Variants in PHACTR4 observed in about 807,000 individuals in gnomAD.
PHACTR4 encodes the protein protein phosphatase 1, regulatory subunit 124.
In PHACTR4, 51 loss-of-function variants were observed where a neutral mutation model predicts 72.7. That is an observed-to-expected ratio of 0.70 (90% CI 0.56 to 0.89). The LOEUF (loss-of-function observed/expected upper bound fraction) is 0.89. Ranked by LOEUF, PHACTR4 falls within the 40% of genes least tolerant of loss-of-function variation. The pLI is 0.00. For synonymous variants in PHACTR4, 255 were observed against 302.5 expected, an observed-to-expected ratio of 0.84 and a Z score of 1.63; for missense variants, 731 against 861.8, an observed-to-expected ratio of 0.85 and a Z score of 1.90.
At chr1:28,428,462 A>C (rs1403240577) in intron 2 of PHACTR4, among the ~76,000 whole-genome samples, 2 of 152,202 alleles carry the variant, frequency 1.3e-5, no homozygotes, top group Non-Finnish European at 1.5e-5. Context: ...CCAAAACTTG[A>C]AGAGAAAGCA....
chr1:28,476,141 C>T lies in PHACTR4; in HGVS notation c.1456C>T (p.Pro486Ser), dbSNP rs368790903. Residue 486 changes from proline (P) to serine (S), a missense_variant, in exon 8 of 14, where the codon CCA becomes TCA. Coordinates refer to ENST00000373839, the MANE Select transcript of PHACTR4 (RefSeq NM_001048183.3). ...DDEEEEEQTC[P>S]STFSEEMTPT... is the part of the protein sequence containing the mutation. ...TGAAGAAGAAGAGGAGCAAACCTGT[C>T]CATCCACATTCAGTGAAGAAATGAC... The T allele has an allele frequency of 4.1e-5, 66 of 1,612,854 alleles. No individual in the cohort carries two copies. The African/African-American group carries it at 8.4e-4, about 21-fold the overall frequency.
Position 28,464,839 on chromosome 1 carries a change from G to A in PHACTR4, c.272-846G>A, listed in dbSNP as rs546640289. Among the ~76,000 whole-genome samples, 257 of 152,116 alleles carry A rather than the reference G, an allele frequency of 1.7e-3. 1 individual carries two copies. Among genetic ancestry groups the A allele is most frequent in the South Asian group, 5.2e-3 (25 of 4,818 alleles). ...CTGCCTCAGCCTCCTGAATAGCTGGGATTACAGGCGCTTGCTACCATGCCT... is the reference window on the plus strand; with the variant it reads ...CTGCCTCAGCCTCCTGAATAGCTGGAATTACAGGCGCTTGCTACCATGCCT... On this transcript the variant is annotated intron_variant, in intron 4 of 13. Transcript: ENST00000373839.
intron 1 of PHACTR4, among the ~76,000 whole-genome samples, chr1:28,381,249 C>T (rs1486028738): frequency 2.7e-5 from 4 of 150,598 alleles, no homozygotes; most frequent in Non-Finnish European, 5.9e-5. Flanking sequence ...GTGATCTGCC[C>T]GCCTCGGCCT....
At chr1:28,452,331 C>A (rs1336823276) in intron 2 of PHACTR4, among the ~76,000 whole-genome samples, 1 of 152,010 alleles carries the variant, frequency 6.6e-6, no homozygotes, top group East Asian at 1.9e-4. Context: ...CATAGTGAGA[C>A]CCCATCTCTA....
At chr1:28,414,137 G>A (rs914320595) in intron 2 of PHACTR4, among the ~76,000 whole-genome samples, 6 of 151,874 alleles carry the variant, frequency 4.0e-5, no homozygotes, top group African/African-American at 1.5e-4. Context: ...GTGCAGTGGC[G>A]CCATCTCAGC....
At chr1:28,438,647 T>C (rs1008005247) in intron 2 of PHACTR4, among the ~76,000 whole-genome samples, 1 of 152,214 alleles carries the variant, frequency 6.6e-6, no homozygotes, top group Non-Finnish European at 1.5e-5. Flanking sequence ...ATTCAGTTTA[T>C]TAATTTATCG....
At chr1:28,412,319 A>C (rs11247811) in intron 2 of PHACTR4, among the ~76,000 whole-genome samples, 1 of 151,984 alleles carries the variant, frequency 6.6e-6, no homozygotes, top group East Asian at 1.9e-4. Flanking sequence ...ATAGTATTCC[A>C]TGAAGAAAAC....
At chr1:28,449,850 TAAA>T (rs67892895) in intron 2 of PHACTR4, among the ~76,000 whole-genome samples, 1 of 138,090 alleles carries the variant, frequency 7.2e-6, no homozygotes, top group African/African-American at 2.6e-5. Flanking sequence ...ACACTCTGTA[TAAA>T]AAAAAAAAAA....
chr1:28,483,256 A>G (rs1280774579), intron 9 of PHACTR4, among the ~76,000 whole-genome samples: 1 of 151,998 alleles, frequency 6.6e-6, no homozygotes, highest in African/African-American at 2.4e-5. Flanking sequence ...TTAGCCAGAC[A>G]TGGTGACACA....
chr1:28,443,871 T>A (rs1407036816), intron 2 of PHACTR4, among the ~76,000 whole-genome samples: 2 of 152,214 alleles, frequency 1.3e-5, no homozygotes, highest in African/African-American at 4.8e-5. Flanking sequence ...TGTTGAGTAG[T>A]ACTACAGTAA....
chr1:28,402,405 G>A (rs1316555738), intron 1 of PHACTR4, among the ~76,000 whole-genome samples: 1 of 152,092 alleles, frequency 6.6e-6, no homozygotes, highest in East Asian at 1.9e-4. Flanking sequence ...GAGATGTTCA[G>A]CCTGGAAATA....
Position 28,473,707 on chromosome 1 carries a change from G to T in PHACTR4, c.977G>T (p.Ser326Ile). The T allele has an allele frequency of 6.2e-7, 1 of 1,614,058 alleles. No individual in the cohort carries two copies. Among genetic ancestry groups the T allele is most frequent in the Non-Finnish European group, 8.5e-7 (1 of 1,180,010 alleles). The change falls in exon 7 of 14, where the codon AGC becomes ATC. Residue 326 changes from serine to isoleucine, a missense_variant. Ser to Ile is a moderately radical substitution (Grantham distance 142, BLOSUM62 -2). Around this residue, in one of 2 missense-constraint regions of PHACTR4, gnomAD observed 621 missense variants for 676.6 expected, o/e 0.92. Coordinates refer to ENST00000373839, the MANE Select transcript of PHACTR4 (RefSeq NM_001048183.3). ...TKTPSDEREK[S>I]TCSMGSELLP... is the part of the protein sequence containing the mutation. ...ACACCAAGTGATGAAAGAGAGAAGAGCACGTGTTCTATGGGCTCGGAACTA... is the reference window on the plus strand; with the variant it reads ...ACACCAAGTGATGAAAGAGAGAAGATCACGTGTTCTATGGGCTCGGAACTA...
At chr1:28,487,775 G>A (rs1441669535) in intron 9 of PHACTR4, among the ~76,000 whole-genome samples, 14 of 114,022 alleles carry the variant, frequency 1.2e-4, no homozygotes, top group Non-Finnish European at 1.8e-4. Flanking sequence ...TCACTCTGTC[G>A]CCCAAGCAGG....
chr1:28,444,863 G>A (rs1181532655), intron 2 of PHACTR4, among the ~76,000 whole-genome samples: 2 of 148,582 alleles, frequency 1.3e-5, no homozygotes, highest in African/African-American at 2.5e-5. Flanking sequence ...TCCTGACCTC[G>A]TGATCCACTT....
chr1:28,379,256 A>G (rs74837248), intron 1 of PHACTR4, among the ~76,000 whole-genome samples: 13,288 of 149,188 alleles, frequency 0.089, 1,260 homozygotes, highest in African/African-American at 0.24. Flanking sequence ...TGGCCAGCCT[A>G]TAATTTCTTT....
At chr1:28,426,642 C>T (rs938175820) in intron 2 of PHACTR4, among the ~76,000 whole-genome samples, 8 of 150,200 alleles carry the variant, frequency 5.3e-5, no homozygotes, top group African/African-American at 1.5e-4. Context: ...CCAACCTGGG[C>T]GACAGAGCGA....
chr1:28,393,025 G>A (rs1653179398), intron 1 of PHACTR4, among the ~76,000 whole-genome samples: 1 of 152,092 alleles, frequency 6.6e-6, no homozygotes, highest in Non-Finnish European at 1.5e-5. Context: ...GAGTGCAATT[G>A]GATTCAGTAC....
At chr1:28,399,594 C>G (rs1448036673) in intron 1 of PHACTR4, among the ~76,000 whole-genome samples, 1 of 151,994 alleles carries the variant, frequency 6.6e-6, no homozygotes, top group Non-Finnish European at 1.5e-5. Context: ...TTTATTTATT[C>G]AGTAAGTATT....
chr1:28,411,649 A>G (rs1654797373), intron 2 of PHACTR4, among the ~76,000 whole-genome samples: 1 of 152,304 alleles, frequency 6.6e-6, no homozygotes. Context: ...AAGTTAGCTA[A>G]TAATTAAGTA....
Sources: allele counts gnomAD v4.1 joint callset (sites outside exome capture counted in the v4.1 genomes callset), GRCh38; gene constraint gnomAD v4.1.1; regional missense constraint gnomAD v4.1.1; transcripts MANE v1.5; gene names NCBI Gene and HGNC (gene_info 2026-07-23, HGNC 2026-07-21).